The following TXNL4A variants were observed in gnomAD, a reference collection of about 807,000 sequenced individuals.
The protein encoded by TXNL4A is thioredoxin-like protein 4A.
Under a neutral mutation model 14.6 loss-of-function variants are expected in TXNL4A, and 17 were observed. The observed-to-expected ratio is 1.16, with a 90% CI of 0.80 to 1.74. The LOEUF (loss-of-function observed/expected upper bound fraction) is 1.74, where lower values mean the gene tolerates loss of function less well. Ranked by LOEUF, TXNL4A falls within the 40% of genes most tolerant of loss-of-function variation. TXNL4A has a pLI of 0.00. For synonymous variants in TXNL4A, 83 were observed against 70.6 expected, an observed-to-expected ratio of 1.18 and a Z score of -0.88; for missense variants, 74 against 195.2, an observed-to-expected ratio of 0.38 and a Z score of 3.70.
At chr18:79,978,113 C>T (rs538625855) in intron 1 of TXNL4A, among the ~76,000 whole-genome samples, 6 of 152,276 alleles carry the variant, frequency 3.9e-5, no homozygotes, top group South Asian at 4.1e-4. Flanking sequence ...AGGAATTGGC[C>T]GCTGGCTCCT....
At chr18:79,991,965 A>T (rs1469962830), upstream of TXNL4A, among the ~76,000 whole-genome samples, 2 of 152,238 alleles carry the variant, frequency 1.3e-5, no homozygotes, top group African/African-American at 4.8e-5. Context: ...TAAGAAGAAC[A>T]TTGGTTCAGT....
chr18:79,979,439 A>C (rs1459520210), intron 1 of TXNL4A: 1 of 152,108 alleles, frequency 6.6e-6, no homozygotes, highest in East Asian at 1.9e-4. Flanking sequence ...CATGGGATGA[A>C]TTTCTCATCA....
chr18:80,029,323 C>T (rs9953161), intron 1 of TXNL4A, among the ~76,000 whole-genome samples: 45,194 of 152,016 alleles, frequency 0.3, 7,033 homozygotes, highest in Non-Finnish European at 0.35. Flanking sequence ...AGGAAAGTCG[C>T]CCAGGGTCAC....
chr18:80,010,149 T>C (rs183323503), intron 1 of TXNL4A, among the ~76,000 whole-genome samples: 2 of 152,234 alleles, frequency 1.3e-5, no homozygotes, highest in African/African-American at 2.4e-5. Context: ...TTCAAGAAGA[T>C]TAAGGAGTAC....
At chr18:79,998,125 G>A (rs1242921700) in intron 1 of TXNL4A, among the ~76,000 whole-genome samples, 1 of 151,844 alleles carries the variant, frequency 6.6e-6, no homozygotes, top group Non-Finnish European at 1.5e-5. Flanking sequence ...AACCCCCTCT[G>A]TACTAAAAAT....
At chr18:79,986,625 T>C (rs2051552830) in intron 1 of TXNL4A, 6 of 985,476 alleles carry the variant, frequency 6.1e-6, no homozygotes, top group Non-Finnish European at 6.0e-6. Flanking sequence ...ATCTGTTTTC[T>C]AGCTAAGAGC....
At chr18:79,974,628 G>A (rs1055340383) in intron 2 of TXNL4A, among the ~76,000 whole-genome samples, 1 of 152,144 alleles carries the variant, frequency 6.6e-6, no homozygotes, top group Non-Finnish European at 1.5e-5. Context: ...ACAGGCACGA[G>A]CCACCACACC....
At chr18:80,001,821 T>C (rs1568374977) in intron 1 of TXNL4A, among the ~76,000 whole-genome samples, 2 of 152,280 alleles carry the variant, frequency 1.3e-5, no homozygotes, top group South Asian at 2.1e-4. Context: ...TACAGGCTCA[T>C]AGGCAGAAGG....
Position 79,973,527 on chromosome 18 carries a change from G to T in TXNL4A, c.*158C>A. 2 of 843,854 alleles carry T rather than the reference G, an allele frequency of 2.4e-6. No individual in the cohort carries two copies. Among genetic ancestry groups the T allele is most frequent in the Non-Finnish European group, 1.7e-6 (1 of 579,412 alleles). The allele number at this position is 843,854 out of a possible 1,614,324, so 52.3% of individuals were successfully genotyped here. On this transcript the variant is annotated 3_prime_UTR_variant, in exon 3 of 3. Transcript: ENST00000269601. The stretch of plus-strand genomic sequence containing the variant: ...AGTAGGCCTGCTCCTCTCACCACGT[G>T]CTTGTTTATTTCGGTGAGTTAAGAC...
Position 79,977,705 on chromosome 18 carries a change from A to G in TXNL4A, c.154-4T>C, listed in dbSNP as rs112183663. The G allele has an allele frequency of 1.3e-6, 2 of 1,517,832 alleles. No homozygotes were observed. Among genetic ancestry groups the G allele is most frequent in the Admixed American group, 4.0e-5 (2 of 49,998 alleles). 94.0% of individuals were successfully genotyped at this position (1,517,832 alleles called of 1,614,324 possible). A position where few individuals can be genotyped will look rare whatever the true frequency, so the allele number is the denominator to read the frequency against. On this transcript the variant is annotated splice_region_variant and splice_polypyrimidine_tract_variant and intron_variant, in intron 1 of 2. Transcript: ENST00000269601. The stretch of plus-strand genomic sequence containing the variant: ...AAATAACTGCAAAATTTTTAACCTA[A>G]AAGGAGATTAAAAAAAAAAACTGAA...
intron 1 of TXNL4A, among the ~76,000 whole-genome samples, chr18:79,979,176 G>T (rs910749802): frequency 6.6e-6 from 1 of 151,870 alleles, no homozygotes; most frequent in Admixed American, 6.6e-5. Context: ...GACCTCAGGT[G>T]ATCCACCCAC....
At chr18:80,004,596 C>T (rs1012088185) in intron 1 of TXNL4A, among the ~76,000 whole-genome samples, 1 of 152,168 alleles carries the variant, frequency 6.6e-6, no homozygotes, top group African/African-American at 2.4e-5. Context: ...AGTGCCAGGC[C>T]CTCGGCTTCG....
intron 2 of TXNL4A, among the ~76,000 whole-genome samples, chr18:79,977,085 C>T (rs567341106): frequency 1.8e-4 from 28 of 152,102 alleles, no homozygotes; most frequent in Non-Finnish European, 1.9e-4. Context: ...CTCAGCCTCC[C>T]AGTAGCTGGG....
chr18:80,006,891 ATTATGCAAATCTTT>A (rs2051734915), intron 1 of TXNL4A, among the ~76,000 whole-genome samples: 1 of 152,214 alleles, frequency 6.6e-6, no homozygotes, highest in Non-Finnish European at 1.5e-5. Context: ...TCATCCTTTT[ATTATGCAAATCTTT>A]TTATGCAAAT....
At chr18:80,006,766 G>A (rs1282605343) in intron 1 of TXNL4A, among the ~76,000 whole-genome samples, 1 of 152,158 alleles carries the variant, frequency 6.6e-6, no homozygotes, top group African/African-American at 2.4e-5. Context: ...TTCCCCCTTT[G>A]CAACCAGATG....
intron 1 of TXNL4A, among the ~76,000 whole-genome samples, chr18:80,003,159 A>T (rs1384714879): frequency 6.6e-6 from 1 of 152,168 alleles, no homozygotes; most frequent in African/African-American, 2.4e-5. Context: ...ATCATATGTC[A>T]TCCTCTGTGG....
At chr18:79,984,774 C>T (rs963781565) in intron 1 of TXNL4A, among the ~76,000 whole-genome samples, 1 of 152,164 alleles carries the variant, frequency 6.6e-6, no homozygotes, top group Non-Finnish European at 1.5e-5. Flanking sequence ...ATGCCCAGCT[C>T]ACTGAGACTA....
At chr18:79,999,423 C>T (rs1027662729) in intron 1 of TXNL4A, among the ~76,000 whole-genome samples, 2 of 150,864 alleles carry the variant, frequency 1.3e-5, no homozygotes, top group African/African-American at 4.9e-5. Context: ...GTAATCCCAG[C>T]TACTTGGGAG....
chr18:79,977,961 T>C (rs923836495), intron 1 of TXNL4A: 5 of 440,514 alleles, frequency 1.1e-5, no homozygotes, highest in Non-Finnish European at 2.0e-5. Context: ...GAGCCATCAC[T>C]CCTGGCCAAC....
Sources: allele counts gnomAD v4.1 joint callset (sites outside exome capture counted in the v4.1 genomes callset), GRCh38; gene constraint gnomAD v4.1.1; transcripts MANE v1.5; gene names NCBI Gene and HGNC (gene_info 2026-07-23, HGNC 2026-07-21).